TAFA5: variants seen among roughly 807,000 people sequenced by gnomAD.
TAFA5 encodes the protein TAFA chemokine like family member 5, also known as chemokine-like protein TAFA-5.
TAFA5 carries 6 observed loss-of-function variants against 15.3 expected under a neutral mutation model. The ratio of observed to expected loss-of-function variants is 0.39; its 90% CI spans 0.21 to 0.77. The LOEUF (loss-of-function observed/expected upper bound fraction) is 0.77. TAFA5 is among the 30% of genes least tolerant of loss of function. The pLI is 0.41. For synonymous variants in TAFA5, 103 were observed against 80.7 expected, an observed-to-expected ratio of 1.28 and a Z score of -1.48; for missense variants, 161 against 193.1, an observed-to-expected ratio of 0.83 and a Z score of 0.98.
intron 1 of TAFA5, among the ~76,000 whole-genome samples, chr22:48,517,832 C>T (rs962169024): frequency 6.6e-6 from 1 of 152,224 alleles, no homozygotes; most frequent in East Asian, 1.9e-4. Context: ...GCTCCTCCCC[C>T]GCCCTCTCTG....
At chr22:48,748,801 G>A (rs1930399965) in intron 3 of TAFA5, among the ~76,000 whole-genome samples, 1 of 152,150 alleles carries the variant, frequency 6.6e-6, no homozygotes, top group African/African-American at 2.4e-5. Context: ...CATCATCACC[G>A]CCCCTGGCTG....
chr22:48,594,385 G>A (rs1002719221), intron 1 of TAFA5, among the ~76,000 whole-genome samples: 11 of 152,200 alleles, frequency 7.2e-5, no homozygotes, highest in African/African-American at 2.7e-4. Context: ...AGCACCCGGT[G>A]CACATAGGTT....
intron 2 of TAFA5, among the ~76,000 whole-genome samples, chr22:48,673,861 C>T (rs1927879244): frequency 6.6e-6 from 1 of 152,142 alleles, no homozygotes; most frequent in Admixed American, 6.5e-5. Context: ...GGCCCTTCCC[C>T]TAACTCTGCC....
chr22:48,685,485 G>C (rs895462423), intron 2 of TAFA5, among the ~76,000 whole-genome samples: 4 of 152,178 alleles, frequency 2.6e-5, no homozygotes, highest in Non-Finnish European at 5.9e-5. Flanking sequence ...AGCCTGCTAT[G>C]TGTCATGTGA....
At chr22:48,684,967 A>G (rs1928309541) in intron 2 of TAFA5, among the ~76,000 whole-genome samples, 2 of 152,224 alleles carry the variant, frequency 1.3e-5, no homozygotes, top group Admixed American at 6.5e-5. Context: ...GCCTTGGGTG[A>G]TAGTCTCAGG....
intron 2 of TAFA5, among the ~76,000 whole-genome samples, chr22:48,693,587 C>T (rs1435098989): frequency 6.6e-6 from 1 of 152,208 alleles, no homozygotes; most frequent in Non-Finnish European, 1.5e-5. Flanking sequence ...TGGTCCGGCT[C>T]TGGGCCTTGG....
At chr22:48,590,225 TC>T (rs1924514451) in intron 1 of TAFA5, among the ~76,000 whole-genome samples, 1 of 152,162 alleles carries the variant, frequency 6.6e-6, no homozygotes, top group Admixed American at 6.5e-5. Flanking sequence ...AAGCTGGTTT[TC>T]CCGAGGAGAT....
chr22:48,525,352 G>C (rs1421932439), intron 1 of TAFA5, among the ~76,000 whole-genome samples: 1 of 152,134 alleles, frequency 6.6e-6, no homozygotes, highest in East Asian at 1.9e-4. Flanking sequence ...CCTGGGATAC[G>C]CTGAGGGCTT....
Position 48,580,528 on chromosome 22 carries a change from G to A in TAFA5, c.113-66069G>A, listed in dbSNP as rs181189927. Among the ~76,000 whole-genome samples the A allele has an allele frequency of 2.5e-3, 378 of 152,316 alleles. 2 individuals are homozygous for A. Among genetic ancestry groups the A allele is most frequent in the African/African-American group, 7.4e-3 (308 of 41,566 alleles). ...GCTAGGGCTGTGGATGGTCCATGAT[G>A]GGTTGGGTGAGGGCTTGGTAGATGC... On this transcript the variant is annotated intron_variant, in intron 1 of 3. Coordinates refer to ENST00000402357, the MANE Select transcript of TAFA5 (RefSeq NM_001082967.3).
intron 1 of TAFA5, among the ~76,000 whole-genome samples, chr22:48,575,060 G>A (rs1569030693): frequency 6.6e-6 from 1 of 152,166 alleles, no homozygotes; most frequent in Non-Finnish European, 1.5e-5. Flanking sequence ...TTCAGAAGCC[G>A]CGGGACCAGC....
intron 2 of TAFA5, chr22:48,693,263 G>A: frequency 2.6e-6 from 4 of 1,562,096 alleles, no homozygotes; most frequent in Non-Finnish European, 3.5e-6. Context: ...AAAATGCTCA[G>A]ACCTTTTCAT....
At chr22:48,731,854 G>C (rs141857590) in intron 3 of TAFA5, among the ~76,000 whole-genome samples, 178 of 152,318 alleles carry the variant, frequency 1.2e-3, no homozygotes, top group African/African-American at 4.2e-3. Flanking sequence ...GAGTAATTTT[G>C]AAATTAAAGT....
chr22:48,646,477 G>A (rs756283006), intron 1 of TAFA5, 120 bp from the exon 2 acceptor site: 72 of 1,248,376 alleles, frequency 5.8e-5, no homozygotes, highest in Admixed American at 1.0e-4. Context: ...TGAGTGAAGC[G>A]GTCTCCCTGC....
chr22:48,540,174 G>T (rs1453973878), intron 1 of TAFA5, among the ~76,000 whole-genome samples: 1 of 152,210 alleles, frequency 6.6e-6, no homozygotes, highest in Non-Finnish European at 1.5e-5. Flanking sequence ...GGGAGGGTGA[G>T]TTTGCCCAGG....
chr22:48,689,629 G>A (rs1337958539), intron 2 of TAFA5, among the ~76,000 whole-genome samples: 2 of 145,818 alleles, frequency 1.4e-5, no homozygotes, highest in Non-Finnish European at 3.0e-5. Context: ...TCTCAGTTTG[G>A]GGTCCTAGGT....
At chr22:48,694,346 CTG>C (rs1348134573) in intron 2 of TAFA5, among the ~76,000 whole-genome samples, 1 of 152,192 alleles carries the variant, frequency 6.6e-6, no homozygotes, top group African/African-American at 2.4e-5. Flanking sequence ...GTAGAAATGA[CTG>C]TGTGGCATAG....
intron 1 of TAFA5, among the ~76,000 whole-genome samples, chr22:48,505,268 C>T (rs1920982888): frequency 6.6e-6 from 1 of 152,194 alleles, no homozygotes; most frequent in African/African-American, 2.4e-5. Context: ...CGTGGCCCCA[C>T]GCTGGCTTAG....
intron 3 of TAFA5, among the ~76,000 whole-genome samples, chr22:48,738,476 C>A (rs897553689): frequency 6.6e-6 from 1 of 152,128 alleles, no homozygotes. Flanking sequence ...CACGCCTGTG[C>A]TCCTGAGTCT....
At chr22:48,734,416 C>G (rs1929951405) in intron 3 of TAFA5, among the ~76,000 whole-genome samples, 2 of 152,196 alleles carry the variant, frequency 1.3e-5, no homozygotes, top group African/African-American at 4.8e-5. Flanking sequence ...ACGTTTTATC[C>G]TAGAGTGTAA....
Sources: allele counts gnomAD v4.1 joint callset (sites outside exome capture counted in the v4.1 genomes callset), GRCh38; gene constraint gnomAD v4.1.1; transcripts MANE v1.5; gene names NCBI Gene and HGNC (gene_info 2026-07-23, HGNC 2026-07-21).